HNRNPF: variants seen among roughly 807,000 people sequenced by gnomAD.
The protein encoded by HNRNPF is HnRNP F protein.
Under a neutral mutation model 26.0 loss-of-function variants are expected in HNRNPF, and 2 were observed. That is an observed-to-expected ratio of 0.08 (90% CI 0.03 to 0.24). The LOEUF (loss-of-function observed/expected upper bound fraction) is 0.24. Ranked by LOEUF, HNRNPF falls within the 10% of genes least tolerant of loss-of-function variation. The pLI is 1.00. For missense variants in HNRNPF, 299 were observed against 539.2 expected (o/e 0.55, Z 4.41); for synonymous variants, 234 against 211.5 (o/e 1.11, Z -0.92).
At chr10:43,404,915 CG>C (rs1338720798) in intron 1 of HNRNPF, among the ~76,000 whole-genome samples, 1 of 152,130 alleles carries the variant, frequency 6.6e-6, no homozygotes, top group East Asian at 1.9e-4. Context: ...AAGACCACCA[CG>C]GAAAAACAAT....
chr10:43,388,162 C>T (rs2131960422), intron 3 of HNRNPF, among the ~76,000 whole-genome samples: 1 of 152,254 alleles, frequency 6.6e-6, no homozygotes, highest in Middle Eastern at 3.4e-3. Context: ...GCCTTGAACA[C>T]AGAGAAATGT....
intron 1 of HNRNPF, among the ~76,000 whole-genome samples, chr10:43,402,768 G>A (rs1029219968): frequency 1.3e-5 from 2 of 152,148 alleles, no homozygotes; most frequent in Non-Finnish European, 1.5e-5. Flanking sequence ...GATTTATCGG[G>A]ATATAACAGT....
intron 1 of HNRNPF, among the ~76,000 whole-genome samples, chr10:43,404,495 A>AAT (rs1838851354): frequency 6.6e-6 from 1 of 152,164 alleles, no homozygotes; most frequent in South Asian, 2.1e-4. Flanking sequence ...GATACCAACC[A>AAT]ATATGTGCCT....
chr10:43,393,810 C>CT (rs1259999396), intron 3 of HNRNPF, among the ~76,000 whole-genome samples: 2 of 152,164 alleles, frequency 1.3e-5, no homozygotes, highest in African/African-American at 2.4e-5. Flanking sequence ...ACATCACTTC[C>CT]TTTTTTCTCC....
At position 43,387,458 on chromosome 10, in the gene HNRNPF, A is replaced by G. The variant is rs1486762612; in HGVS notation, c.427T>C (p.Leu143=). Residue 143 remains leucine (L), a synonymous_variant, in exon 4 of 4, where the codon TTG becomes CTG. Transcript: ENST00000682386. The surrounding 1 kb of genome is among the most constrained non-coding windows in gnomAD (Gnocchi z 6.0). The part of the protein sequence containing the change: ...GLEIVPNGIT[L]PVDPEGKITG... The stretch of plus-strand genomic sequence containing the variant: ...ATCTTGCCTTCGGGGTCCACAGGCA[A>G]TGTGATCCCGTTTGGCACAATTTCC... 2.5e-6 allele frequency: 4 copies of G among 1,614,094 alleles called. No individual in the cohort carries two copies. Among genetic ancestry groups the G allele is most frequent in the African/African-American group, 2.7e-5 (2 of 74,942 alleles).
At chr10:43,401,574 T>C (rs963708987) in intron 1 of HNRNPF, among the ~76,000 whole-genome samples, 1 of 152,234 alleles carries the variant, frequency 6.6e-6, no homozygotes, top group African/African-American at 2.4e-5. Flanking sequence ...GCAAATATCA[T>C]TATTTGGATT....
intron 2 of HNRNPF, among the ~76,000 whole-genome samples, chr10:43,396,250 C>T (rs1169360752): frequency 6.6e-6 from 1 of 152,226 alleles, no homozygotes; most frequent in Non-Finnish European, 1.5e-5. Flanking sequence ...CCACCCACCT[C>T]GTTTTCTTTT....
intron 1 of HNRNPF, among the ~76,000 whole-genome samples, chr10:43,399,853 A>G (rs1157250637): frequency 3.9e-5 from 6 of 152,358 alleles, no homozygotes; most frequent in Admixed American, 3.9e-4. Context: ...ACAGTGGAGT[A>G]GGAAATCAAG....
At chr10:43,397,757 G>T (rs1371727294) in intron 1 of HNRNPF, among the ~76,000 whole-genome samples, 1 of 152,128 alleles carries the variant, frequency 6.6e-6, no homozygotes, top group Non-Finnish European at 1.5e-5. Context: ...AAGCAATTTC[G>T]ATAATATGAT....
rs1042462037 is a variant in HNRNPF, at chr10:43,387,999, C to T, written c.-52-63G>A. On this transcript the variant is annotated intron_variant, in intron 3 of 3. Transcript: ENST00000682386. The surrounding 1 kb of genome is among the most constrained non-coding windows in gnomAD (Gnocchi z 6.0). ...ACAGAAATTTTCCCCATTTTACAGA[C>T]GAGAGAGGTAGCAAGACATTAAGAA... 28 of 812,854 alleles carry T rather than the reference C, an allele frequency of 3.4e-5. No homozygotes were observed. Among genetic ancestry groups the T allele is most frequent in the South Asian group, 3.8e-5 (2 of 52,598 alleles). The allele number at this position is 812,854 out of a possible 1,614,324, so 50.4% of individuals were successfully genotyped here.
intron 3 of HNRNPF, among the ~76,000 whole-genome samples, chr10:43,390,979 T>C (rs983968751): frequency 2.0e-5 from 3 of 152,068 alleles, no homozygotes; most frequent in Non-Finnish European, 2.9e-5. Flanking sequence ...CTCTGGTGGC[T>C]AATGCTGCCC....
intron 3 of HNRNPF, among the ~76,000 whole-genome samples, chr10:43,391,906 T>C (rs1838264490): frequency 6.6e-6 from 1 of 152,180 alleles, no homozygotes; most frequent in South Asian, 2.1e-4. Flanking sequence ...AGCAAAATCT[T>C]GTCAAAAGGC....
chr10:43,388,157 G>C (rs1266353548), intron 3 of HNRNPF, among the ~76,000 whole-genome samples: 1 of 152,120 alleles, frequency 6.6e-6, no homozygotes. Context: ...GTGGTGCCTT[G>C]AACACAGAGA....
intron 1 of HNRNPF, among the ~76,000 whole-genome samples, chr10:43,398,051 C>CA (rs1838622389): frequency 1.3e-5 from 2 of 152,124 alleles, no homozygotes; most frequent in African/African-American, 4.8e-5. Flanking sequence ...TTTTGAGACA[C>CA]AGTTTTCACT....
At chr10:43,389,378 G>A (rs1257409887) in intron 3 of HNRNPF, among the ~76,000 whole-genome samples, 1 of 152,032 alleles carries the variant, frequency 6.6e-6, no homozygotes, top group Admixed American at 6.6e-5. Context: ...AGCTCCATAA[G>A]AAAACCCCAC....
intron 1 of HNRNPF, among the ~76,000 whole-genome samples, chr10:43,407,058 T>C (rs1451185658): frequency 1.3e-5 from 2 of 152,138 alleles, no homozygotes; most frequent in African/African-American, 4.8e-5. Context: ...ACCACGTATT[T>C]AACTTTTAAA....
intron 3 of HNRNPF, among the ~76,000 whole-genome samples, chr10:43,394,152 G>C (rs1338438118): frequency 6.6e-6 from 1 of 152,180 alleles, no homozygotes; most frequent in African/African-American, 2.4e-5. Flanking sequence ...TCCAAGATTA[G>C]CCAGGATTAA....
In HNRNPF at chr10:43,387,933, G is replaced by C; in HGVS notation, c.-49C>G. ...AGGTGATCTTGGGTGTGGCTTTTTT[G>C]TGGCTGGAAAAAAAAAAAAGAAAAA... is the stretch of plus-strand genomic sequence containing the variant. On this transcript the variant is annotated 5_prime_UTR_variant, in exon 4 of 4. Coordinates refer to ENST00000682386, the MANE Select transcript of HNRNPF (RefSeq NM_001098204.2). This position sits in a 1 kb window ranked among gnomAD's most constrained non-coding sequence, Gnocchi z 6.0. 6.8e-7 allele frequency: 1 copy of C among 1,461,818 alleles called. No homozygotes were observed. Among genetic ancestry groups the C allele is most frequent in the Non-Finnish European group, 9.2e-7 (1 of 1,083,266 alleles). 90.6% of individuals were successfully genotyped at this position (1,461,818 alleles called of 1,614,324 possible). A position where few individuals can be genotyped will look rare whatever the true frequency, so the allele number is the denominator to read the frequency against.
chr10:43,405,273 A>T (rs1470716845), intron 1 of HNRNPF, among the ~76,000 whole-genome samples: 1 of 152,242 alleles, frequency 6.6e-6, no homozygotes, highest in South Asian at 2.1e-4. Flanking sequence ...TTATATTTCT[A>T]TTGGACAGTG....
Sources: gnomAD v4.1 joint callset for allele counts (sites outside exome capture counted in the v4.1 genomes callset) on GRCh38, gnomAD v4.1.1 for gene constraint, Gnocchi (gnomAD v3.1) non-coding constraint, MANE v1.5 for transcripts, NCBI Gene and HGNC (gene_info 2026-07-23, HGNC 2026-07-21) for gene names.